The following STXBP4 variants were observed in gnomAD, a reference collection of about 807,000 sequenced individuals.
The protein encoded by STXBP4 is syntaxin binding protein 4, also known as syntaxin-binding protein 4.
STXBP4 carries 55 observed loss-of-function variants against 76.1 expected under a neutral mutation model. The observed-to-expected ratio is 0.72, with a 90% CI of 0.58 to 0.91. STXBP4 has a LOEUF of 0.91. STXBP4 is among the 40% of genes least tolerant of loss of function. STXBP4 has a pLI of 0.00. For synonymous variants in STXBP4, 201 were observed against 220.2 expected (o/e 0.91, Z 0.77); for missense variants, 618 against 636.9 (o/e 0.97, Z 0.32).
intron 8 of STXBP4, 40 bp downstream of exon 8, chr17:55,007,637 A>G (rs764632054): frequency 1.9e-5 from 29 of 1,491,826 alleles, no homozygotes; most frequent in Admixed American, 1.1e-4. Flanking sequence ...CATAAGACAA[A>G]AACAGGAAAG....
chr17:55,111,061 A>G (rs549083918), intron 16 of STXBP4, among the ~76,000 whole-genome samples: 1 of 152,306 alleles, frequency 6.6e-6, no homozygotes, highest in Non-Finnish European at 1.5e-5. Flanking sequence ...AGATGCAGGT[A>G]ATGGGAGCTT....
intron 8 of STXBP4, among the ~76,000 whole-genome samples, chr17:55,008,909 A>G (rs189906255): frequency 6.6e-6 from 1 of 152,216 alleles, no homozygotes; most frequent in Admixed American, 6.5e-5. Context: ...ACTTTGAGGC[A>G]GCATGTCCTG....
chr17:55,187,489 T>TCATGA, the STXBP4 span, among the ~76,000 whole-genome samples: 1 of 151,366 alleles, frequency 6.6e-6, no homozygotes, highest in African/African-American at 2.4e-5. Flanking sequence ...ATGCCAAAGA[T>TCATGA]CATGACAAGT....
At chr17:55,067,936 A>G (rs931174104) in intron 12 of STXBP4, among the ~76,000 whole-genome samples, 4 of 152,136 alleles carry the variant, frequency 2.6e-5, no homozygotes, top group African/African-American at 4.8e-5. Context: ...AAAAGAAAGC[A>G]TATGTCAGAG....
chr17:55,055,938 T>G (rs1409171806), intron 12 of STXBP4, among the ~76,000 whole-genome samples: 1 of 152,224 alleles, frequency 6.6e-6, no homozygotes, highest in African/African-American at 2.4e-5. Context: ...ATTTGTTCTC[T>G]GATTTATCTT....
intron 7 of STXBP4, among the ~76,000 whole-genome samples, chr17:55,004,467 C>T (rs1183758650): frequency 6.6e-6 from 1 of 151,886 alleles, no homozygotes; most frequent in African/African-American, 2.4e-5. Flanking sequence ...TTTGGAAGGT[C>T]GAGATGGGAG....
rs755698275 is a variant in STXBP4, at chr17:54,986,270, A to G, written c.47+4A>G. 7.7e-6 allele frequency: 12 copies of G among 1,566,666 alleles called. No individual in the cohort carries two copies. The highest frequency in any genetic ancestry group is 1.0e-5 in the Non-Finnish European group (12 of 1,146,980). On this transcript the variant is annotated splice_donor_region_variant and intron_variant, in intron 3 of 17. Coordinates refer to ENST00000376352, the MANE Select transcript of STXBP4 (RefSeq NM_178509.6). ...TATCACCCAGTCTACTTGAAAAGTA[A>G]TTTTTAAGTTTAATATGTTTTGAAA... is the stretch of plus-strand genomic sequence containing the variant.
Position 55,125,288 on chromosome 17 carries a change from C to G in STXBP4, c.1490-16022C>G, listed in dbSNP as rs372677347. ...TTACTATGTTTTCCTCTAATTGACT[C>G]TATGGCAAAGCTCTGAAACCATTTT... On this transcript the variant is annotated intron_variant, in intron 16 of 17. Transcript: ENST00000376352. 3.3e-5 allele frequency among the ~76,000 whole-genome samples: 5 copies of G among 152,094 alleles called. No homozygotes were observed. The East Asian group carries it at 9.7e-4, about 29-fold the overall frequency.
chr17:54,999,996 CTG>C, intron 6 of STXBP4, among the ~76,000 whole-genome samples, 154 bp downstream of exon 6: 1 of 152,106 alleles, frequency 6.6e-6, no homozygotes, highest in South Asian at 2.1e-4. Flanking sequence ...AATTTTTATG[CTG>C]TGTTTTCAAT....
At chr17:55,077,990 G>C in intron 13 of STXBP4, 88 bp from the exon 14 acceptor site, 1 of 771,940 alleles carries the variant, frequency 1.3e-6, no homozygotes, top group South Asian at 2.0e-5. Flanking sequence ...TGGTAATATT[G>C]AATATTAGTT....
intron 12 of STXBP4, among the ~76,000 whole-genome samples, chr17:55,049,876 C>G (rs1027748234): frequency 2.6e-5 from 4 of 151,956 alleles, no homozygotes; most frequent in African/African-American, 7.2e-5. Context: ...AGAAACTATT[C>G]TAGATAAAAG....
At chr17:55,062,707 T>C (rs907830551) in intron 12 of STXBP4, among the ~76,000 whole-genome samples, 1 of 152,138 alleles carries the variant, frequency 6.6e-6, no homozygotes, top group Non-Finnish European at 1.5e-5. Flanking sequence ...TAATTTACAC[T>C]CCCACCAACA....
chr17:55,184,166 A>G, the STXBP4 span, among the ~76,000 whole-genome samples: 1 of 152,206 alleles, frequency 6.6e-6, no homozygotes, highest in Non-Finnish European at 1.5e-5. Flanking sequence ...TTATAATTGT[A>G]TAACTTTTAT....
At chr17:55,052,039 A>G (rs1201420338) in intron 12 of STXBP4, among the ~76,000 whole-genome samples, 1 of 152,106 alleles carries the variant, frequency 6.6e-6, no homozygotes, top group Non-Finnish European at 1.5e-5. Flanking sequence ...ATCATAAGTC[A>G]GGGACTATCT....
intron 12 of STXBP4, among the ~76,000 whole-genome samples, chr17:55,072,006 C>G (rs565411327): frequency 4.6e-5 from 7 of 152,100 alleles, no homozygotes; most frequent in Admixed American, 1.3e-4. Flanking sequence ...CATTTTTTTC[C>G]CTCCAAGTAC....
intron 8 of STXBP4, among the ~76,000 whole-genome samples, chr17:55,022,960 A>G (rs1489148197): frequency 6.6e-6 from 1 of 152,198 alleles, no homozygotes; most frequent in Non-Finnish European, 1.5e-5. Flanking sequence ...ATGTGTGTGT[A>G]TATATGTTGG....
chr17:55,073,676 T>G (rs919774633), intron 13 of STXBP4, among the ~76,000 whole-genome samples: 3 of 152,216 alleles, frequency 2.0e-5, no homozygotes, highest in Non-Finnish European at 4.4e-5. Flanking sequence ...TCGCCCAGGC[T>G]GGAGTGCAAT....
chr17:54,990,824 G>T lies in STXBP4; in HGVS notation c.48-1G>T. ...GTGTGTGCTAATTTACTTTATCTTA[G>T]GGATCCTGCCTTTCAGATGATTACA... On this transcript the variant is annotated splice_acceptor_variant, in intron 3 of 17. Transcript: ENST00000376352. LOFTEE classifies it high-confidence loss of function. 1 of 1,598,124 alleles carries T rather than the reference G, an allele frequency of 6.3e-7. No homozygotes were observed. Among genetic ancestry groups the T allele is most frequent in the South Asian group, 1.1e-5 (1 of 87,654 alleles).
intron 8 of STXBP4, among the ~76,000 whole-genome samples, chr17:55,018,544 C>T (rs1053573378): frequency 2.0e-5 from 3 of 152,094 alleles, no homozygotes; most frequent in African/African-American, 7.2e-5. Context: ...TTCATGCATC[C>T]GTGTGAAGAG....
Sources: allele counts gnomAD v4.1 joint callset (sites outside exome capture counted in the v4.1 genomes callset), GRCh38; gene constraint gnomAD v4.1.1; transcripts MANE v1.5; gene names NCBI Gene and HGNC (gene_info 2026-07-23, HGNC 2026-07-21).